FHIT: variants seen among roughly 807,000 people sequenced by gnomAD.
FHIT encodes the protein fragile histidine triad diadenosine triphosphatase.
FHIT carries 19 observed loss-of-function variants against 17.9 expected under a neutral mutation model. That is an observed-to-expected ratio of 1.06 (90% CI 0.74 to 1.56). FHIT has a LOEUF of 1.56. Among genes scored for constraint, FHIT ranks in the 40% most tolerant of loss-of-function variants. The pLI, the probability that FHIT is intolerant of heterozygous loss-of-function variation, is 0.00. For missense variants in FHIT, 248 were observed against 189.2 expected (o/e 1.31, Z -1.82); for synonymous variants, 81 against 69.7 (o/e 1.16, Z -0.81).
intron 4 of FHIT, among the ~76,000 whole-genome samples, chr3:60,540,862 A>G (rs1022185614): frequency 2.0e-5 from 3 of 152,150 alleles, no homozygotes; most frequent in African/African-American, 7.2e-5. Flanking sequence ...TGGTTTTTAG[A>G]ACATTTACAA....
intron 5 of FHIT, among the ~76,000 whole-genome samples, chr3:60,048,291 C>G (rs889047508): frequency 3.9e-4 from 60 of 152,314 alleles, no homozygotes; most frequent in African/African-American, 1.4e-3. Context: ...ATTCTCCTGC[C>G]TCAGCCTCCC....
At chr3:60,547,683 G>A (rs1253209878) in intron 4 of FHIT, among the ~76,000 whole-genome samples, 1 of 151,906 alleles carries the variant, frequency 6.6e-6, no homozygotes, top group Admixed American at 6.6e-5. Flanking sequence ...TACAATTCTC[G>A]CCAGCTGGTA....
At chr3:60,306,738 A>C (rs1329982292) in intron 5 of FHIT, among the ~76,000 whole-genome samples, 1 of 152,170 alleles carries the variant, frequency 6.6e-6, no homozygotes, top group Non-Finnish European at 1.5e-5. Flanking sequence ...AAAATAAAAA[A>C]CAAACACATT....
chr3:60,561,255 A>G (rs952192743), intron 4 of FHIT, among the ~76,000 whole-genome samples: 3 of 152,098 alleles, frequency 2.0e-5, no homozygotes, highest in African/African-American at 7.2e-5. Flanking sequence ...GGCCAAACCC[A>G]TTTTGGAAAC....
intron 4 of FHIT, among the ~76,000 whole-genome samples, chr3:60,787,952 C>G (rs1223344606): frequency 6.6e-6 from 1 of 152,076 alleles, no homozygotes; most frequent in African/African-American, 2.4e-5. Flanking sequence ...TTCCTGAGTA[C>G]AAGAAGAATA....
At chr3:60,280,725 A>G (rs1251929652) in intron 5 of FHIT, among the ~76,000 whole-genome samples, 5 of 152,170 alleles carry the variant, frequency 3.3e-5, no homozygotes, top group African/African-American at 1.2e-4. Flanking sequence ...CTATTGTTTG[A>G]AGCTACCAGT....
At chr3:59,793,832 C>T (rs1335192563) in intron 8 of FHIT, among the ~76,000 whole-genome samples, 1 of 152,156 alleles carries the variant, frequency 6.6e-6, no homozygotes, top group African/African-American at 2.4e-5. Context: ...GGAAAAAGAT[C>T]TGGCACTTGA....
At chr3:60,150,369 G>C (rs1224382667) in intron 5 of FHIT, among the ~76,000 whole-genome samples, 1 of 152,032 alleles carries the variant, frequency 6.6e-6, no homozygotes, top group Non-Finnish European at 1.5e-5. Flanking sequence ...ATATATTGGA[G>C]TCAATCACTG....
chr3:60,498,855 T>C (rs1297843001), intron 5 of FHIT, among the ~76,000 whole-genome samples: 1 of 152,148 alleles, frequency 6.6e-6, no homozygotes, highest in Non-Finnish European at 1.5e-5. Context: ...ATAAAAGTGG[T>C]TAAACTCAAG....
intron 5 of FHIT, among the ~76,000 whole-genome samples, chr3:60,037,091 G>A (rs898566526): frequency 6.6e-6 from 1 of 152,156 alleles, no homozygotes; most frequent in African/African-American, 2.4e-5. Flanking sequence ...ACGGTCCGAC[G>A]TTAAGACATC....
intron 5 of FHIT, chr3:60,536,178 T>A (rs1053474685): frequency 1.3e-5 from 2 of 152,112 alleles, no homozygotes; most frequent in Non-Finnish European, 2.9e-5. Flanking sequence ...ATACTTGTTA[T>A]TCCCACTGCA....
intron 4 of FHIT, among the ~76,000 whole-genome samples, chr3:60,550,538 C>T (rs1257975068): frequency 6.6e-6 from 1 of 151,834 alleles, no homozygotes; most frequent in Non-Finnish European, 1.5e-5. Context: ...AAACAGAAAA[C>T]ACCTAGGTAT....
chr3:60,644,533 C>A (rs929605996), intron 4 of FHIT, among the ~76,000 whole-genome samples: 1 of 152,162 alleles, frequency 6.6e-6, no homozygotes, highest in Admixed American at 6.5e-5. Flanking sequence ...CATACAAATA[C>A]ATAACTTCAT....
intron 3 of FHIT, among the ~76,000 whole-genome samples, chr3:60,905,894 T>G (rs1462099627): frequency 6.6e-6 from 1 of 151,470 alleles, no homozygotes; most frequent in East Asian, 2.0e-4. Flanking sequence ...TCTTGAACAA[T>G]TTTTTTTTCT....
chr3:59,765,914 G>A (rs1350611717), intron 8 of FHIT, among the ~76,000 whole-genome samples: 1 of 152,120 alleles, frequency 6.6e-6, no homozygotes, highest in Non-Finnish European at 1.5e-5. Context: ...GTTTGATAGT[G>A]ACACACAGCT....
At chr3:60,064,806 C>T (rs909326519) in intron 5 of FHIT, among the ~76,000 whole-genome samples, 10 of 152,326 alleles carry the variant, frequency 6.6e-5, no homozygotes, top group African/African-American at 2.4e-4. Flanking sequence ...TATCAACTCT[C>T]TAATACACTG....
At chr3:61,197,926 T>A (rs1201899110) in intron 2 of FHIT, among the ~76,000 whole-genome samples, 1 of 152,080 alleles carries the variant, frequency 6.6e-6, no homozygotes, top group Non-Finnish European at 1.5e-5. Context: ...GACTTTTCTG[T>A]ACCAAACACA....
intron 7 of FHIT, among the ~76,000 whole-genome samples, chr3:59,952,302 C>A (rs936307755): frequency 1.3e-5 from 2 of 152,166 alleles, no homozygotes; most frequent in African/African-American, 4.8e-5. Flanking sequence ...GCATTAAGTT[C>A]ACCAGGTATA....
intron 4 of FHIT, among the ~76,000 whole-genome samples, chr3:60,755,177 C>T (rs2108040537): frequency 6.6e-6 from 1 of 152,330 alleles, no homozygotes; most frequent in African/African-American, 2.4e-5. Flanking sequence ...TCCCTGGAAT[C>T]TACCAGGACT....
Sources: gnomAD v4.1 joint callset for allele counts (sites outside exome capture counted in the v4.1 genomes callset) on GRCh38, gnomAD v4.1.1 for gene constraint, MANE v1.5 for transcripts, NCBI Gene and HGNC (gene_info 2026-07-23, HGNC 2026-07-21) for gene names.